CSAD: variants seen among roughly 807,000 people sequenced by gnomAD.
CSAD encodes cysteine sulfinic acid decarboxylase.
CSAD carries 47 observed loss-of-function variants against 61.5 expected under a neutral mutation model. The ratio of observed to expected loss-of-function variants is 0.76; its 90% confidence interval spans 0.60 to 0.97. The LOEUF is 0.97. Among genes scored for constraint, CSAD ranks in the 50% least tolerant of loss-of-function variants. CSAD has a pLI of 0.00. For synonymous variants in CSAD, 245 were observed against 252.7 expected (o/e 0.97, Z 0.29); for missense variants, 611 against 643.6 (o/e 0.95, Z 0.55).
At chr12:53,167,513 T>A (rs1285053357) in intron 10 of CSAD, among the ~76,000 whole-genome samples, 1 of 152,254 alleles carries the variant, frequency 6.6e-6, no homozygotes, top group Non-Finnish European at 1.5e-5. Flanking sequence ...CATATATTTA[T>A]GAATGTCAGT....
chr12:53,172,580 C>T lies in CSAD; in HGVS notation c.195G>A (p.Glu65=). ...LLDLELRSQG[E]SQKQILERCR... is the part of the protein sequence containing the mutation. ...ACCGCTCCAGGATCTGCTTCTGTGACTCGCCCTGGCTCCGCAGCTCCAAAT... is the reference window on the plus strand; with the variant it reads ...ACCGCTCCAGGATCTGCTTCTGTGATTCGCCCTGGCTCCGCAGCTCCAAAT... Residue 65 remains glutamate (E), a synonymous_variant, in exon 5 of 17, where the codon GAG becomes GAA. Coordinates refer to ENST00000444623, the MANE Select transcript of CSAD (RefSeq NM_001244705.2). 1 of 1,612,690 alleles carries T rather than the reference C, an allele frequency of 6.2e-7. No homozygotes were observed. Among genetic ancestry groups the T allele is most frequent in the South Asian group, 1.1e-5 (1 of 90,746 alleles).
intron 10 of CSAD, among the ~76,000 whole-genome samples, chr12:53,169,538 G>C (rs1940311550): frequency 6.6e-6 from 1 of 151,150 alleles, no homozygotes; most frequent in African/African-American, 2.4e-5. Flanking sequence ...TTATTTTTGA[G>C]ATCACACCAC....
chr12:53,170,026 A>C (rs1186560834), intron 10 of CSAD, 46 bp downstream of exon 10: 5 of 1,553,098 alleles, frequency 3.2e-6, no homozygotes, highest in Non-Finnish European at 4.4e-6. Flanking sequence ...ATAACCCTCC[A>C]AGACAGTTGG....
intron 3 of CSAD, 25 bp from the exon 4 acceptor site, chr12:53,173,501 T>C (rs763582847): frequency 6.2e-7 from 1 of 1,614,106 alleles, no homozygotes; most frequent in South Asian, 1.1e-5. Context: ...AGTCATTCCC[T>C]ACTCAGCCTG....
At chr12:53,169,259 C>T (rs1361635624) in intron 10 of CSAD, among the ~76,000 whole-genome samples, 2 of 151,216 alleles carry the variant, frequency 1.3e-5, no homozygotes, top group African/African-American at 2.4e-5. Flanking sequence ...GCAGGCGGAT[C>T]GCCTGAGGTC....
chr12:53,180,487 G>A, intron 1 of CSAD: 3 of 1,224,012 alleles, frequency 2.5e-6, no homozygotes, highest in Non-Finnish European at 3.1e-6. Flanking sequence ...TGGCGGCCGG[G>A]GCGCGCCCCG....
At chr12:53,180,941 G>T, upstream of CSAD, 3 of 975,922 alleles carry the variant, frequency 3.1e-6, no homozygotes, top group Non-Finnish European at 3.8e-6. Flanking sequence ...GGGGAGGGGA[G>T]GAGGGGCGCG....
intron 1 of CSAD, chr12:53,179,796 G>A (rs1409528769): frequency 1.2e-6 from 2 of 1,613,226 alleles, no homozygotes; most frequent in African/African-American, 2.7e-5. Flanking sequence ...GAGGACTTCA[G>A]TGGAATTGAC....
At chr12:53,172,677 C>A in intron 4 of CSAD, 29 bp from the exon 5 acceptor site, 1 of 1,588,632 alleles carries the variant, frequency 6.3e-7, no homozygotes, top group Non-Finnish European at 8.5e-7. Flanking sequence ...ATGCTGGGGG[C>A]CTGGGATGCC....
chr12:53,180,648 G>C lies in CSAD; in HGVS notation c.-91+84C>G, dbSNP rs1941530570. ...AGTCTAGCTGCCGAGCCCGGAAGTGGATGCAGCCGCTCGGCGGAGAGGACG... is the reference window on the plus strand; with the variant it reads ...AGTCTAGCTGCCGAGCCCGGAAGTGCATGCAGCCGCTCGGCGGAGAGGACG... On this transcript the variant is annotated intron_variant, in intron 1 of 16. Transcript: ENST00000444623. 9.3e-6 allele frequency: 12 copies of C among 1,283,576 alleles called. No homozygotes were observed. In the South Asian group the frequency reaches 1.5e-4, roughly 16 times the overall value. The allele number at this position is 1,283,576 out of a possible 1,614,324, so 79.5% of individuals were successfully genotyped here. A position where few individuals can be genotyped will look rare whatever the true frequency, so the allele number is the denominator to read the frequency against.
At chr12:53,161,097 G>T in intron 12 of CSAD, 30 bp downstream of exon 12, 1 of 1,606,026 alleles carries the variant, frequency 6.2e-7, no homozygotes, top group Non-Finnish European at 8.5e-7. Context: ...TTTGAAGGGC[G>T]GGATTTGGGA....
chr12:53,171,540 C>A, intron 7 of CSAD, 99 bp from the exon 8 acceptor site: 1 of 1,183,448 alleles, frequency 8.4e-7, no homozygotes, highest in Middle Eastern at 2.6e-4. Flanking sequence ...ATCAAAGAAG[C>A]AGGTATGACT....
In CSAD at chr12:53,161,107, A is replaced by G. The variant is rs375182594; in HGVS notation, c.884+20T>C. 1 of 1,611,542 alleles carries G rather than the reference A, an allele frequency of 6.2e-7. No individual in the cohort carries two copies. Among genetic ancestry groups the G allele is most frequent in the Non-Finnish European group, 8.5e-7 (1 of 1,177,910 alleles). On this transcript the variant is annotated intron_variant, in intron 12 of 16. Coordinates refer to ENST00000444623, the MANE Select transcript of CSAD (RefSeq NM_001244705.2). ...AATGGTTTGAAGGGCGGGATTTGGG[A>G]AGAAGGGGACTGTATGCACCTCTGG...
At position 53,172,514 on chromosome 12, in the gene CSAD, G is replaced by C. The variant is rs375250555; in HGVS notation, c.253+8C>G. The C allele has an allele frequency of 6.2e-7, 1 of 1,614,176 alleles. No homozygotes were observed. The highest frequency in any genetic ancestry group is 8.5e-7 in the Non-Finnish European group (1 of 1,180,024). ...CCAAGTCTCCTCCTCACAGAAGCCAGGGCCCACCAGTCTTGACACTGTAGC... is the reference window on the plus strand; with the variant it reads ...CCAAGTCTCCTCCTCACAGAAGCCACGGCCCACCAGTCTTGACACTGTAGC... On this transcript the variant is annotated splice_region_variant and intron_variant, in intron 5 of 16. Transcript: ENST00000444623.
chr12:53,180,619 C>G (rs1221426489), intron 1 of CSAD, 113 bp downstream of exon 1: 1 of 1,283,804 alleles, frequency 7.8e-7, no homozygotes, highest in Non-Finnish European at 1.0e-6. Context: ...AGGCTGCCCC[C>G]GCTAGTCTAG....
At chr12:53,170,276 C>A (rs1293341556) in intron 9 of CSAD, 147 bp downstream of exon 9, 12 of 977,802 alleles carry the variant, frequency 1.2e-5, no homozygotes, top group Middle Eastern at 2.1e-4. Flanking sequence ...CGCTGGCAGG[C>A]TCTGGTAGAC....
Position 53,178,270 on chromosome 12 carries a change from C to T in CSAD, c.-50+832G>A, listed in dbSNP as rs550541384. On this transcript the variant is annotated intron_variant, in intron 2 of 16. Coordinates refer to ENST00000444623, the MANE Select transcript of CSAD (RefSeq NM_001244705.2). ...AATGGATAGCTTGAGCCTAGGAATT[C>T]GAGACCAGCCTGGGCAACATGGCAA... 1.6e-3 allele frequency: 698 copies of T among 428,688 alleles called. 11 individuals carry two copies. Among genetic ancestry groups the T allele is most frequent in the South Asian group, 0.011 (677 of 59,546 alleles). The allele number at this position is 428,688 out of a possible 1,614,324, so 26.6% of individuals were successfully genotyped here. A position where few individuals can be genotyped will look rare whatever the true frequency, so the allele number is the denominator to read the frequency against.
In CSAD at chr12:53,158,420, G is replaced by A; in HGVS notation, c.*91C>T. On this transcript the variant is annotated 3_prime_UTR_variant, in exon 17 of 17. Transcript: ENST00000444623. ...CAAAGTGCTGGGATTACAGGCGTGA[G>A]CCACTGCACCCGGCCTCAAAGGCTG... 7.3e-7 allele frequency: 1 copy of A among 1,372,904 alleles called. No homozygotes were observed. Among genetic ancestry groups the A allele is most frequent in the Non-Finnish European group, 1.0e-6 (1 of 992,534 alleles). 85.0% of individuals were successfully genotyped at this position (1,372,904 alleles called of 1,614,324 possible). A position where few individuals can be genotyped will look rare whatever the true frequency, so the allele number is the denominator to read the frequency against.
At chr12:53,171,631 C>T in intron 7 of CSAD, 190 bp from the exon 8 acceptor site, 1 of 644,772 alleles carries the variant, frequency 1.6e-6, no homozygotes, top group Non-Finnish European at 2.7e-6. Context: ...CACACCTCTC[C>T]ACATCTGGGG....
Sources: allele counts gnomAD v4.1 joint callset (sites outside exome capture counted in the v4.1 genomes callset), GRCh38; gene constraint gnomAD v4.1.1; transcripts MANE v1.5; gene names NCBI Gene and HGNC (gene_info 2026-07-23, HGNC 2026-07-21).